The following AKAIN1 variants were observed in gnomAD, a reference collection of about 807,000 sequenced individuals.
AKAIN1 encodes A-kinase anchor protein inhibitor 1.
In AKAIN1, 3 loss-of-function variants were observed where a neutral mutation model predicts 3.7. That is an observed-to-expected ratio of 0.82 (90% CI 0.37 to 2.12). The LOEUF is 2.12. Among genes scored for constraint, AKAIN1 ranks in the 30% most tolerant of loss-of-function variants. The pLI is 0.06. For synonymous variants in AKAIN1, 31 were observed against 30.8 expected (o/e 1.01, Z -0.02); for missense variants, 82 against 82.7 (o/e 0.99, Z 0.03).
chr18:5,197,400 G>A, upstream of AKAIN1: 1 of 1,258,582 alleles, frequency 7.9e-7, no homozygotes, highest in Non-Finnish European at 1.0e-6. This position sits in a 1 kb window ranked among gnomAD's most constrained non-coding sequence, Gnocchi z 6.9. Context: ...GGAAGAGCAA[G>A]AGAGAGAAAG....
At chr18:5,181,788 G>A (rs2071259998) in intron 1 of AKAIN1, among the ~76,000 whole-genome samples, 1 of 152,032 alleles carries the variant, frequency 6.6e-6, no homozygotes, top group South Asian at 2.1e-4. Flanking sequence ...GAACATTCAA[G>A]ACCAAAGATA....
chr18:5,166,635 T>A (rs890562046), intron 1 of AKAIN1, among the ~76,000 whole-genome samples: 1 of 152,136 alleles, frequency 6.6e-6, no homozygotes, highest in Non-Finnish European at 1.5e-5. Flanking sequence ...ATTTCAGATA[T>A]GACAGTCTGC....
rs1026563889 is a variant in AKAIN1, at chr18:5,145,657, G to C, written c.115C>G (p.Gln39Glu). Residue 39 changes from glutamine (Q) to glutamate (E), a missense_variant, in exon 2 of 2, where the codon CAG becomes GAG. Coordinates refer to ENST00000434239, the MANE Select transcript of AKAIN1 (RefSeq NM_001145194.2). The stretch of plus-strand genomic sequence containing the variant: ...CTCTCTTCTCTGCGCTGACTCTCCT[G>C]GGAGACTTGCTGCACAGCTTGCAGG... ...AILQAVQQVS[Q>E]ESQRREERIS... The C allele has an allele frequency of 1.2e-5, 18 of 1,551,524 alleles. No individual in the cohort carries two copies. Among genetic ancestry groups the C allele is most frequent in the Non-Finnish European group, 1.5e-5 (17 of 1,146,958 alleles).
intron 1 of AKAIN1, among the ~76,000 whole-genome samples, chr18:5,151,836 A>C (rs1357534134): frequency 6.6e-6 from 1 of 152,262 alleles, no homozygotes; most frequent in Non-Finnish European, 1.5e-5. Flanking sequence ...GGAGAATAAC[A>C]TAAGCCACTA....
chr18:5,197,542 GGATGA>G (rs2071357250), upstream of AKAIN1: 2 of 1,112,564 alleles, frequency 1.8e-6, no homozygotes, highest in Middle Eastern at 3.5e-4. The surrounding 1 kb of genome is among the most constrained non-coding windows in gnomAD (Gnocchi z 6.9). Flanking sequence ...TTACTCTCGA[GGATGA>G]CTCTGAGTTC....
chr18:5,192,385 T>TTTTCTTCCTTTCTTTC (rs1555611427), intron 1 of AKAIN1, among the ~76,000 whole-genome samples: 2 of 106,990 alleles, frequency 1.9e-5, no homozygotes, highest in South Asian at 7.0e-4. Context: ...ACAGAGCTAA[T>TTTTCTTCCTTTCTTTC]TTTCTTTCTT....
chr18:5,145,834 G>A (rs2071046197), intron 1 of AKAIN1, 79 bp from the exon 2 acceptor site: 32 of 1,247,864 alleles, frequency 2.6e-5, no homozygotes, highest in Non-Finnish European at 3.6e-5. Context: ...AGAGGAGAAA[G>A]ATGGGAGGGA....
At chr18:5,151,373 A>G (rs1452456158) in intron 1 of AKAIN1, among the ~76,000 whole-genome samples, 1 of 152,172 alleles carries the variant, frequency 6.6e-6, no homozygotes, top group Non-Finnish European at 1.5e-5. Flanking sequence ...TCACTCATCT[A>G]CACCAACTGC....
chr18:5,159,893 T>C lies in AKAIN1; in HGVS notation c.17-14138A>G, dbSNP rs116243389. 4.0e-3 allele frequency among the ~76,000 whole-genome samples: 611 copies of C among 152,352 alleles called. 5 individuals carry two copies. The highest frequency in any genetic ancestry group is 0.014 in the African/African-American group (575 of 41,578). On this transcript the variant is annotated intron_variant, in intron 1 of 1. Coordinates refer to ENST00000434239, the MANE Select transcript of AKAIN1 (RefSeq NM_001145194.2). ...TTTCTCACAATCATTTCCATGCTTT[T>C]CTTTAATATTTTGTCACAAATTTAT...
At chr18:5,155,485 G>T (rs1265132681) in intron 1 of AKAIN1, among the ~76,000 whole-genome samples, 1 of 152,146 alleles carries the variant, frequency 6.6e-6, no homozygotes, top group Non-Finnish European at 1.5e-5. Context: ...GCCCCTCCCC[G>T]AAAGTGTCCG....
chr18:5,182,934 A>G (rs1598314945), intron 1 of AKAIN1, among the ~76,000 whole-genome samples: 1 of 152,196 alleles, frequency 6.6e-6, no homozygotes, highest in Admixed American at 6.5e-5. Flanking sequence ...AAGGTGCTGG[A>G]CATACGGAAG....
At chr18:5,162,625 CGTGTGTGTGTGTGTGTGTGTGT>C (rs150673471) in intron 1 of AKAIN1, among the ~76,000 whole-genome samples, 4,898 of 145,874 alleles carry the variant, frequency 0.034, 205 homozygotes, top group African/African-American at 0.091. Flanking sequence ...CAATGTGATG[CGTGTGTGTGTGTGTGTGTGTGT>C]GTGTGTGTGT....
intron 1 of AKAIN1, among the ~76,000 whole-genome samples, chr18:5,157,986 G>C (rs929329915): frequency 2.6e-5 from 4 of 152,120 alleles, no homozygotes; most frequent in Admixed American, 2.6e-4. Flanking sequence ...GAGACACCAA[G>C]CCCAGCTCTG....
At chr18:5,180,476 C>G (rs1483649807) in intron 1 of AKAIN1, among the ~76,000 whole-genome samples, 1 of 152,020 alleles carries the variant, frequency 6.6e-6, no homozygotes, top group East Asian at 1.9e-4. Flanking sequence ...GCCAACAGCT[C>G]CACTCAGCTA....
intron 1 of AKAIN1, among the ~76,000 whole-genome samples, chr18:5,167,384 A>C (rs2071173196): frequency 6.6e-6 from 1 of 152,086 alleles, no homozygotes. Context: ...TGTAACCATC[A>C]TTGTAACCTA....
chr18:5,179,548 A>G (rs1306394101), intron 1 of AKAIN1, among the ~76,000 whole-genome samples: 1 of 152,134 alleles, frequency 6.6e-6, no homozygotes, highest in African/African-American at 2.4e-5. Context: ...ATATGAATGC[A>G]GGTATCTTTT....
intron 1 of AKAIN1, among the ~76,000 whole-genome samples, chr18:5,184,078 T>C (rs1219695210): frequency 6.6e-6 from 1 of 152,040 alleles, no homozygotes; most frequent in African/African-American, 2.4e-5. Flanking sequence ...AAAGAACATT[T>C]GTTTATAGTA....
chr18:5,192,385 T>TTTCTTTCTTTCTTTC (rs572080430), intron 1 of AKAIN1, among the ~76,000 whole-genome samples: 5 of 106,990 alleles, frequency 4.7e-5, no homozygotes, highest in Admixed American at 1.0e-4. Flanking sequence ...ACAGAGCTAA[T>TTTCTTTCTTTCTTTC]TTTCTTTCTT....
At chr18:5,157,395 A>T (rs1328239145) in intron 1 of AKAIN1, among the ~76,000 whole-genome samples, 1 of 152,224 alleles carries the variant, frequency 6.6e-6, no homozygotes, top group Non-Finnish European at 1.5e-5. Context: ...CTCAAACAGC[A>T]GCTGGAGTAA....
Sources: gnomAD v4.1 joint callset for allele counts (sites outside exome capture counted in the v4.1 genomes callset) on GRCh38, gnomAD v4.1.1 for gene constraint, Gnocchi (gnomAD v3.1) non-coding constraint, MANE v1.5 for transcripts, NCBI Gene and HGNC (gene_info 2026-07-23, HGNC 2026-07-21) for gene names.